RBFOX3: variants seen among roughly 807,000 people sequenced by gnomAD.
RBFOX3 encodes RNA binding protein fox-1 homolog 3.
A neutral mutation model predicts 48.7 loss-of-function variants in RBFOX3; 17 were observed. The observed-to-expected ratio is 0.35, with a 90% CI of 0.24 to 0.52. The LOEUF is 0.52. Ranked by LOEUF, RBFOX3 falls within the 20% of genes least tolerant of loss-of-function variation. The pLI, the probability that RBFOX3 is intolerant of heterozygous loss-of-function variation, is 0.94. For synonymous variants in RBFOX3, 212 were observed against 209.5 expected (o/e 1.01, Z -0.10); for missense variants, 382 against 497.5 (o/e 0.77, Z 2.21).
intron 2 of RBFOX3, among the ~76,000 whole-genome samples, chr17:79,323,455 C>T (rs1568041140): frequency 6.6e-6 from 1 of 152,190 alleles, no homozygotes; most frequent in African/African-American, 2.4e-5. Flanking sequence ...GAGAGGTCCA[C>T]TGTTTTGTGA....
intron 3 of RBFOX3, among the ~76,000 whole-genome samples, chr17:79,307,281 G>A (rs982755762): frequency 1.3e-5 from 2 of 152,222 alleles, no homozygotes; most frequent in Non-Finnish European, 2.9e-5. Context: ...CGGTCACACG[G>A]TCCTGTTCCA....
intron 2 of RBFOX3, among the ~76,000 whole-genome samples, chr17:79,327,191 T>C (rs933839179): frequency 1.3e-5 from 2 of 152,202 alleles, no homozygotes; most frequent in Non-Finnish European, 2.9e-5. Context: ...CTTTCCTTTA[T>C]CCATTCCCTT....
chr17:79,237,566 C>T (rs1486271920), intron 3 of RBFOX3, among the ~76,000 whole-genome samples: 1 of 152,198 alleles, frequency 6.6e-6, no homozygotes, highest in African/African-American at 2.4e-5. Flanking sequence ...ATGAACGTGG[C>T]CACAGAACAC....
intron 4 of RBFOX3, among the ~76,000 whole-genome samples, chr17:79,155,787 C>CA (rs2145067865): frequency 6.6e-6 from 1 of 152,274 alleles, no homozygotes; most frequent in East Asian, 1.9e-4. Context: ...TGGCAGGAGG[C>CA]AGCCCACCCC....
chr17:79,560,660 A>G (rs2092149790), intron 1 of RBFOX3, among the ~76,000 whole-genome samples: 1 of 152,074 alleles, frequency 6.6e-6, no homozygotes, highest in South Asian at 2.1e-4. Context: ...GTGCTGTCAC[A>G]GCAACCTCAC....
rs1045984296 is a variant in RBFOX3 at position 79,482,198 on chromosome 17, G to A, written c.-175+256C>T. On this transcript the variant is annotated intron_variant, in intron 2 of 14. Transcript: ENST00000693108. This position sits in a 1 kb window ranked among gnomAD's most constrained non-coding sequence, Gnocchi z 4.1. The stretch of plus-strand genomic sequence containing the variant: ...CCCTCCTTCCAGGACTAACTGCCCC[G>A]CAGCCAGGCTGATGGGCTTCGAGGT... 2.8e-5 allele frequency among the ~76,000 whole-genome samples: 4 copies of A among 141,734 alleles called. No individual in the cohort carries two copies. The highest frequency in any genetic ancestry group is 2.5e-4 in the East Asian group (1 of 4,048). 93.0% of individuals were successfully genotyped at this position (141,734 alleles called of 152,430 possible).
intron 4 of RBFOX3, among the ~76,000 whole-genome samples, chr17:79,122,456 G>A (rs996390562): frequency 2.6e-5 from 4 of 152,218 alleles, no homozygotes; most frequent in Non-Finnish European, 5.9e-5. Context: ...ATAAAAAGGT[G>A]CTCACCATCA....
chr17:79,169,625 G>T (rs1006563872), intron 4 of RBFOX3, among the ~76,000 whole-genome samples: 1 of 152,238 alleles, frequency 6.6e-6, no homozygotes, highest in South Asian at 2.1e-4. Flanking sequence ...CACCTGGTGT[G>T]GTCCCGTGGC....
intron 2 of RBFOX3, among the ~76,000 whole-genome samples, chr17:79,310,050 C>T (rs1348685009): frequency 6.6e-6 from 1 of 152,174 alleles, no homozygotes; most frequent in Non-Finnish European, 1.5e-5. Context: ...GCGTGGTCTC[C>T]ATACCGGAGC....
At chr17:79,459,876 G>A (rs910682458) in intron 2 of RBFOX3, among the ~76,000 whole-genome samples, 1 of 152,166 alleles carries the variant, frequency 6.6e-6, no homozygotes, top group South Asian at 2.1e-4. Context: ...CATGTCTATT[G>A]TGTGACTGGA....
intron 4 of RBFOX3, among the ~76,000 whole-genome samples, chr17:79,160,183 G>C (rs147847288): frequency 2.0e-5 from 3 of 152,236 alleles, no homozygotes; most frequent in Admixed American, 6.5e-5. Context: ...AGGCCGGGAG[G>C]AAAAATCCAT....
chr17:79,496,476 A>G (rs1301125263), intron 1 of RBFOX3, among the ~76,000 whole-genome samples: 1 of 152,194 alleles, frequency 6.6e-6, no homozygotes, highest in East Asian at 1.9e-4. Context: ...TACACTAGCC[A>G]GCAACTGCAA....
intron 9 of RBFOX3, chr17:79,098,488 A>C (rs1362495542): frequency 6.6e-6 from 1 of 152,378 alleles, no homozygotes; most frequent in African/African-American, 2.4e-5. Flanking sequence ...CAGATGAAGA[A>C]ACAGCCCTGG....
rs536314853 is a variant in RBFOX3 at position 79,270,583 on chromosome 17, T to C, written c.-73-34778A>G. Among the ~76,000 whole-genome samples the C allele has an allele frequency of 2.6e-5, 4 of 152,312 alleles. No homozygotes were observed. The South Asian group carries it at 8.3e-4, about 32-fold the overall frequency. On this transcript the variant is annotated intron_variant, in intron 3 of 14. Transcript: ENST00000693108. ...AGGAACAAGGGCCGCCATTTCTCACTGAGAATAATGCAATGGTGCCAGGCC... is the reference window on the plus strand; with the variant it reads ...AGGAACAAGGGCCGCCATTTCTCACCGAGAATAATGCAATGGTGCCAGGCC...
rs918046686 is a variant in RBFOX3 at position 79,097,763 on chromosome 17, A to G, written c.569-18T>C. ...CTTCCAGCCTAAAACAAAGGCACAG[A>G]GACCTAGTCACTGCCTTCCCCGACC... On this transcript the variant is annotated intron_variant, in intron 9 of 14. Coordinates refer to ENST00000693108, the MANE Select transcript of RBFOX3 (RefSeq NM_001350451.2). 5.4e-5 allele frequency: 84 copies of G among 1,550,978 alleles called. No individual in the cohort carries two copies. The highest frequency in any genetic ancestry group is 1.5e-4 in the African/African-American group (11 of 72,968).
Position 79,095,525 on chromosome 17 carries a change from G to A in RBFOX3, c.986C>T (p.Ala329Val). The A allele has an allele frequency of 6.4e-7, 1 of 1,551,204 alleles. No individual in the cohort carries two copies. Among genetic ancestry groups the A allele is most frequent in the Non-Finnish European group, 8.7e-7 (1 of 1,146,738 alleles). ...RYAQPAAAAA[A>V]YSDSYGRVYA... ...CCCCCGGCCTCACCTGTCGCTGTAG[G>A]CTGCCGCCGCTGCAGCGGGCTGAGC... is the stretch of plus-strand genomic sequence containing the variant. Residue 329 changes from alanine to valine, a missense_variant, in exon 13 of 15, where the codon GCC becomes GTC. This residue lies in a region of RBFOX3 where 215 missense variants were observed against 254.8 expected (regional missense o/e 0.84). Transcript: ENST00000693108.
chr17:79,130,526 T>G (rs2038577626), intron 4 of RBFOX3, among the ~76,000 whole-genome samples: 1 of 152,198 alleles, frequency 6.6e-6, no homozygotes, highest in Non-Finnish European at 1.5e-5. Flanking sequence ...CCCACCCTCT[T>G]TCTCTCCTTT....
At chr17:79,147,462 T>C (rs1222496666) in intron 4 of RBFOX3, among the ~76,000 whole-genome samples, 1 of 152,210 alleles carries the variant, frequency 6.6e-6, no homozygotes, top group Non-Finnish European at 1.5e-5. Context: ...CTCCGGAGCC[T>C]GGCCCATGCT....
At chr17:79,098,425 G>C (rs557359818) in intron 9 of RBFOX3, 1 of 152,296 alleles carries the variant, frequency 6.6e-6, no homozygotes, top group Non-Finnish European at 1.5e-5. Flanking sequence ...CAGACTGTTC[G>C]AAACTCACGG....
Sources: allele counts gnomAD v4.1 joint callset (sites outside exome capture counted in the v4.1 genomes callset), GRCh38; gene constraint gnomAD v4.1.1; regional missense constraint gnomAD v4.1.1; non-coding constraint Gnocchi (gnomAD v3.1); transcripts MANE v1.5; gene names NCBI Gene and HGNC (gene_info 2026-07-23, HGNC 2026-07-21).